Variants in CA8 observed in about 807,000 individuals in gnomAD.
CA8 encodes the protein carbonic anhydrase 8 (inactive), also known as carbonic anhydrase-related protein.
A neutral mutation model predicts 41.4 loss-of-function variants in CA8; 22 were observed. The ratio of observed to expected loss-of-function variants is 0.53; its 90% CI spans 0.38 to 0.76. The LOEUF is 0.76. Ranked by LOEUF, CA8 falls within the 30% of genes least tolerant of loss-of-function variation. The pLI is 0.00. For synonymous variants in CA8, 121 were observed against 130.6 expected, an observed-to-expected ratio of 0.93 and a Z score of 0.50; for missense variants, 270 against 352.8, an observed-to-expected ratio of 0.77 and a Z score of 1.88.
At chr8:60,238,849 C>T (rs961114831) in intron 3 of CA8, among the ~76,000 whole-genome samples, 4 of 152,138 alleles carry the variant, frequency 2.6e-5, no homozygotes, top group African/African-American at 9.7e-5. Flanking sequence ...ACCTGGAATG[C>T]CTTTCCCCAA....
intron 3 of CA8, among the ~76,000 whole-genome samples, chr8:60,240,458 T>C (rs1016968818): frequency 1.3e-5 from 2 of 152,242 alleles, no homozygotes; most frequent in African/African-American, 2.4e-5. Flanking sequence ...CTTTGACTTT[T>C]TAATATTCTT....
intron 2 of CA8, among the ~76,000 whole-genome samples, chr8:60,270,698 G>A (rs1046334957): frequency 6.6e-6 from 1 of 152,226 alleles, no homozygotes; most frequent in African/African-American, 2.4e-5. Flanking sequence ...TTACAGGCAT[G>A]AGCCACCATG....
At chr8:60,249,038 T>C (rs1057214958) in intron 3 of CA8, among the ~76,000 whole-genome samples, 4 of 152,308 alleles carry the variant, frequency 2.6e-5, no homozygotes, top group African/African-American at 9.6e-5. Flanking sequence ...AATGGGAGTT[T>C]ATTCAAGATT....
At chr8:60,243,666 C>T (rs1808121482) in intron 3 of CA8, among the ~76,000 whole-genome samples, 1 of 152,126 alleles carries the variant, frequency 6.6e-6, no homozygotes, top group African/African-American at 2.4e-5. Flanking sequence ...ATGTTCCCCA[C>T]TAAATCACGT....
chr8:60,191,964 A>G (rs1372170428), intron 8 of CA8, among the ~76,000 whole-genome samples: 2 of 152,056 alleles, frequency 1.3e-5, no homozygotes, highest in African/African-American at 2.4e-5. Context: ...TAAATGCTGA[A>G]TGAATTCTAA....
Position 60,228,266 on chromosome 8 carries a change from A to G in CA8, c.514-1331T>C, listed in dbSNP as rs180824743. On this transcript the variant is annotated intron_variant, in intron 4 of 8. Transcript: ENST00000317995. ...TCTAAAAACAGAAAATAAATTTTGT[A>G]AAGTTAAAAACAAAAAAACATTTAA... is the stretch of plus-strand genomic sequence containing the variant. Among the ~76,000 whole-genome samples, 68 of 152,390 alleles carry G rather than the reference A, an allele frequency of 4.5e-4. 1 individual carries two copies. The East Asian group carries it at 0.012, about 28-fold the overall frequency.
chr8:60,276,665 T>C (rs1293390282), intron 2 of CA8, among the ~76,000 whole-genome samples: 1 of 152,196 alleles, frequency 6.6e-6, no homozygotes, highest in African/African-American at 2.4e-5. Context: ...TGTACACTAT[T>C]TGGGTGACAG....
chr8:60,204,566 G>A (rs1236913290), intron 8 of CA8, among the ~76,000 whole-genome samples: 1 of 152,102 alleles, frequency 6.6e-6, no homozygotes, highest in East Asian at 1.9e-4. Context: ...TCATTGGTGG[G>A]TTAATAATTT....
At chr8:60,279,608 T>C (rs774954053) in intron 2 of CA8, 81 bp downstream of exon 2, 17 of 1,212,568 alleles carry the variant, frequency 1.4e-5, no homozygotes, top group Middle Eastern at 2.3e-4. Flanking sequence ...ACTTTTTAAA[T>C]TGTGCAAGTT....
chr8:60,195,917 A>G (rs1806267974), intron 8 of CA8, among the ~76,000 whole-genome samples: 1 of 152,174 alleles, frequency 6.6e-6, no homozygotes, highest in Non-Finnish European at 1.5e-5. Context: ...TTGAAGAGTC[A>G]AAAGAGAAGA....
intron 3 of CA8, among the ~76,000 whole-genome samples, chr8:60,259,745 T>A (rs1433753785): frequency 6.6e-6 from 1 of 151,780 alleles, no homozygotes; most frequent in Non-Finnish European, 1.5e-5. Flanking sequence ...GTTTGCTTTT[T>A]TTTTTTTTTG....
At chr8:60,256,485 A>T (rs779908945) in intron 3 of CA8, among the ~76,000 whole-genome samples, 2 of 152,202 alleles carry the variant, frequency 1.3e-5, no homozygotes, top group African/African-American at 4.8e-5. Context: ...GTAGAACCCT[A>T]CAAAGCTAAA....
At chr8:60,268,551 G>A (rs968969466) in intron 2 of CA8, among the ~76,000 whole-genome samples, 2 of 152,118 alleles carry the variant, frequency 1.3e-5, no homozygotes, top group African/African-American at 2.4e-5. Context: ...ACTTGGAGAC[G>A]GTTTAAGTGA....
rs150799087 is a variant in CA8 at position 60,209,849 on chromosome 8, C to G, written c.739-930G>C. Among the ~76,000 whole-genome samples, 602 of 152,284 alleles carry G rather than the reference C, an allele frequency of 4.0e-3. 4 individuals carry two copies. Among genetic ancestry groups the G allele is most frequent in the African/African-American group, 0.013 (544 of 41,544 alleles). On this transcript the variant is annotated intron_variant, in intron 7 of 8. Coordinates refer to ENST00000317995, the MANE Select transcript of CA8 (RefSeq NM_004056.6). The stretch of plus-strand genomic sequence containing the variant: ...CTTCCCCACTGTAAGTGAAAAGGTT[C>G]TCAGAGTCCTCAGGGACATTGCCCA...
At chr8:60,251,715 T>G (rs1040212224) in intron 3 of CA8, among the ~76,000 whole-genome samples, 3 of 152,252 alleles carry the variant, frequency 2.0e-5, no homozygotes, top group Non-Finnish European at 4.4e-5. Context: ...TCATCTGCCA[T>G]TCTTTCAAAT....
intron 3 of CA8, among the ~76,000 whole-genome samples, chr8:60,237,016 C>T (rs1585888052): frequency 6.6e-6 from 1 of 152,304 alleles, no homozygotes; most frequent in East Asian, 1.9e-4. Context: ...CAAAGCCTAA[C>T]CGCCCAGATA....
intron 8 of CA8, among the ~76,000 whole-genome samples, chr8:60,190,957 T>TATATATATATATATACACACAC (rs1554573722): frequency 2.2e-4 from 23 of 104,246 alleles, no homozygotes; most frequent in African/African-American, 6.2e-4. Flanking sequence ...TATATATATA[T>TATATATATATATATACACACAC]ACACACACAC....
chr8:60,231,658 T>C (rs1470777943), intron 4 of CA8, among the ~76,000 whole-genome samples: 1 of 152,190 alleles, frequency 6.6e-6, no homozygotes, highest in Non-Finnish European at 1.5e-5. Context: ...GTCAAACAGG[T>C]AATAAGACAA....
intron 2 of CA8, among the ~76,000 whole-genome samples, chr8:60,269,375 C>A (rs189132645): frequency 5.7e-4 from 87 of 152,220 alleles, no homozygotes; most frequent in African/African-American, 1.9e-3. Flanking sequence ...AATAAAGTTA[C>A]AATGAAAGAA....
Sources: gnomAD v4.1 joint callset for allele counts (sites outside exome capture counted in the v4.1 genomes callset) on GRCh38, gnomAD v4.1.1 for gene constraint, MANE v1.5 for transcripts, NCBI Gene and HGNC (gene_info 2026-07-23, HGNC 2026-07-21) for gene names.